Variants in CIBAR1 observed in about 807,000 individuals in gnomAD.
CIBAR1 encodes CBY1 interacting BAR domain containing 1.
Under a neutral mutation model 44.0 loss-of-function variants are expected in CIBAR1, and 25 were observed. The ratio of observed to expected loss-of-function variants is 0.57; its 90% CI spans 0.41 to 0.79. The LOEUF (loss-of-function observed/expected upper bound fraction) is 0.79, where lower values mean the gene tolerates loss of function less well. Ranked by LOEUF, CIBAR1 falls within the 30% of genes least tolerant of loss-of-function variation. The pLI, the probability that CIBAR1 is intolerant of heterozygous loss-of-function variation, is 0.00. For synonymous variants in CIBAR1, 115 were observed against 119.0 expected, an observed-to-expected ratio of 0.97 and a Z score of 0.22; for missense variants, 278 against 344.8, an observed-to-expected ratio of 0.81 and a Z score of 1.53.
intron 3 of CIBAR1, among the ~76,000 whole-genome samples, chr8:93,704,453 T>A (rs1810497353): frequency 6.6e-6 from 1 of 152,334 alleles, no homozygotes; most frequent in South Asian, 2.1e-4. Context: ...TGATGCTGCC[T>A]CTGATCTAAC....
Position 93,731,045 on chromosome 8 carries a change from C to G in CIBAR1, c.*2748C>G, listed in dbSNP as rs1811771565. 6.6e-6 allele frequency: 1 copy of G among 152,196 alleles called. No homozygotes were observed. The highest frequency in any genetic ancestry group is 1.5e-5 in the Non-Finnish European group (1 of 68,094). The allele number at this position is 152,196 out of a possible 1,614,324, so 9.4% of individuals were successfully genotyped here. On this transcript the variant is annotated 3_prime_UTR_variant, in exon 9 of 9. Coordinates refer to ENST00000518322, the MANE Select transcript of CIBAR1 (RefSeq NM_145269.5). ...ACAAGGTGGCACACACCTGTAGTCCCAGCTCTCAGGAGGCTGAGGCAGGAA... is the reference window on the plus strand; with the variant it reads ...ACAAGGTGGCACACACCTGTAGTCCGAGCTCTCAGGAGGCTGAGGCAGGAA...
intron 6 of CIBAR1, chr8:93,715,758 TGATATTCTGCAGTATG>T: frequency 6.6e-6 from 1 of 152,206 alleles, no homozygotes; most frequent in South Asian, 2.1e-4. Context: ...GTTATCTTTA[TGATATTCTGCAGTATG>T]GTTATACTAG....
rs1196434487 is a variant in CIBAR1, at chr8:93,713,028, T to C, written c.543+3153T>C. Among the ~76,000 whole-genome samples, 4 of 49,510 alleles carry C rather than the reference T, an allele frequency of 8.1e-5. No homozygotes were observed. The Admixed American group carries it at 1.0e-3, about 13-fold the overall frequency. The allele number at this position is 49,510 out of a possible 152,430, so 32.5% of individuals were successfully genotyped here. On this transcript the variant is annotated intron_variant, in intron 6 of 8. Coordinates refer to ENST00000518322, the MANE Select transcript of CIBAR1 (RefSeq NM_145269.5). ...ATCCTTTACCCTTTTTTTCTCCTTT[T>C]TTTTCTTTTTTTTTTTTTTTTCGAG...
intron 1 of CIBAR1, 103 bp downstream of exon 1, chr8:93,700,776 C>A: frequency 7.3e-7 from 1 of 1,375,682 alleles, no homozygotes; most frequent in Non-Finnish European, 9.4e-7. Flanking sequence ...AATTCCGACC[C>A]TGAGTGGGAG....
Position 93,730,661 on chromosome 8 carries a change from C to A in CIBAR1, c.*2364C>A. The A allele has an allele frequency of 6.6e-6, 1 of 152,242 alleles. No homozygotes were observed. The highest frequency in any genetic ancestry group is 3.4e-3 in the Middle Eastern group (1 of 296). The allele number at this position is 152,242 out of a possible 1,614,324, so 9.4% of individuals were successfully genotyped here. On this transcript the variant is annotated 3_prime_UTR_variant, in exon 9 of 9. Transcript: ENST00000518322. Reference sequence around the variant, plus strand: ...ATTCCTTGATTTGCTGCATTTATCACTTTCCATGGTGTAAAATACTCCTGC... The same window carrying A: ...ATTCCTTGATTTGCTGCATTTATCAATTTCCATGGTGTAAAATACTCCTGC...
intron 8 of CIBAR1, chr8:93,726,724 A>G (rs1811526404): frequency 5.7e-6 from 3 of 530,678 alleles, no homozygotes; most frequent in Non-Finnish European, 9.9e-6. Flanking sequence ...ATTACTCTCT[A>G]AAGCATAACA....
intron 4 of CIBAR1, 77 bp downstream of exon 4, chr8:93,705,087 A>C: frequency 2.1e-6 from 2 of 931,262 alleles, no homozygotes; most frequent in South Asian, 3.0e-5. Context: ...GAAATTGTGC[A>C]TTTTTACTTT....
intron 4 of CIBAR1, chr8:93,706,104 A>G (rs77405104): frequency 0.021 from 3,128 of 152,212 alleles, 98 homozygotes; most frequent in African/African-American, 0.071. Flanking sequence ...AGAGCATTTG[A>G]GGTTCCAGAA....
chr8:93,702,640 T>C, intron 2 of CIBAR1: 1 of 334,496 alleles, frequency 3.0e-6, no homozygotes, highest in East Asian at 8.7e-5. Flanking sequence ...CAAACTGTCC[T>C]GAATATCCAT....
intron 3 of CIBAR1, among the ~76,000 whole-genome samples, chr8:93,704,379 G>A (rs1461518215): frequency 6.6e-6 from 1 of 152,086 alleles, no homozygotes; most frequent in African/African-American, 2.4e-5. Context: ...TGGCACCAGG[G>A]ACCGGTTTTG....
chr8:93,726,928 AT>A (rs1275755748), intron 8 of CIBAR1, among the ~76,000 whole-genome samples: 1 of 152,064 alleles, frequency 6.6e-6, no homozygotes, highest in South Asian at 2.1e-4. Context: ...AAATCATTTC[AT>A]TTTTTTTCTA....
Position 93,728,499 on chromosome 8 carries a change from T to C in CIBAR1, c.*202T>C. 2.5e-6 allele frequency: 1 copy of C among 405,004 alleles called. No individual in the cohort carries two copies. Among genetic ancestry groups the C allele is most frequent in the East Asian group, 4.2e-5 (1 of 23,714 alleles). 25.1% of individuals were successfully genotyped at this position (405,004 alleles called of 1,614,324 possible). On this transcript the variant is annotated 3_prime_UTR_variant, in exon 9 of 9. Transcript: ENST00000518322. ...AGTCATTTCAACATCCTACCTAGTGTTACATGATTTTTGTGTAAGTGCCTT... is the reference window on the plus strand; with the variant it reads ...AGTCATTTCAACATCCTACCTAGTGCTACATGATTTTTGTGTAAGTGCCTT...
intron 4 of CIBAR1, chr8:93,707,291 T>C (rs1471156292): frequency 2.7e-6 from 1 of 375,628 alleles, no homozygotes; most frequent in Non-Finnish European, 5.3e-6. Flanking sequence ...GGTGAGTTGC[T>C]ATGCTCAAGT....
chr8:93,725,526 GA>G (rs1200007579), intron 7 of CIBAR1, among the ~76,000 whole-genome samples: 1 of 151,998 alleles, frequency 6.6e-6, no homozygotes, highest in Non-Finnish European at 1.5e-5. Flanking sequence ...TAAATAAATG[GA>G]AAAGAAATTT....
At chr8:93,703,051 A>G (rs1478468644) in intron 2 of CIBAR1, among the ~76,000 whole-genome samples, 6 of 152,240 alleles carry the variant, frequency 3.9e-5, no homozygotes, top group African/African-American at 1.4e-4. Context: ...ATTCTAAATG[A>G]AACAGAGATG....
intron 7 of CIBAR1, chr8:93,720,842 G>A (rs1811235646): frequency 6.6e-6 from 1 of 151,976 alleles, no homozygotes. Context: ...CTGCACTCTA[G>A]CCTGGCAACA....
chr8:93,700,813 G>T, intron 1 of CIBAR1, 140 bp downstream of exon 1: 1 of 1,330,494 alleles, frequency 7.5e-7, no homozygotes, highest in Middle Eastern at 2.3e-4. Context: ...TGTGACCTGG[G>T]GCCTAATTCC....
At position 93,722,907 on chromosome 8, in the gene CIBAR1, A is replaced by C. The variant is rs78794147; in HGVS notation, c.658-3487A>C. Among the ~76,000 whole-genome samples, 2,198 of 152,330 alleles carry C rather than the reference A, an allele frequency of 0.014. 139 individuals carry two copies. The East Asian group carries it at 0.19, about 13-fold the overall frequency. On this transcript the variant is annotated intron_variant, in intron 7 of 8. Transcript: ENST00000518322. The stretch of plus-strand genomic sequence containing the variant: ...CATACTGTTTTCCATTTCCCACTTT[A>C]AATTCCATCTTTGCTAGAAAAGTTA...
At chr8:93,704,816 T>A in intron 3 of CIBAR1, 93 bp from the exon 4 acceptor site, 1 of 703,812 alleles carries the variant, frequency 1.4e-6, no homozygotes, top group Admixed American at 3.1e-5. Flanking sequence ...ATTCTTCCAT[T>A]CTTAAAACAA....
Sources: allele counts gnomAD v4.1 joint callset (sites outside exome capture counted in the v4.1 genomes callset), GRCh38; gene constraint gnomAD v4.1.1; transcripts MANE v1.5; gene names NCBI Gene and HGNC (gene_info 2026-07-23, HGNC 2026-07-21).